The following SDAD1 variants were observed in gnomAD, a reference collection of about 807,000 sequenced individuals.
SDAD1 encodes protein SDA1 homolog.
Under a neutral mutation model 100.3 loss-of-function variants are expected in SDAD1, and 79 were observed. The ratio of observed to expected loss-of-function variants is 0.79; its 90% CI spans 0.66 to 0.95. SDAD1 has a LOEUF of 0.95. Among genes scored for constraint, SDAD1 ranks in the 40% least tolerant of loss-of-function variants. SDAD1 has a pLI of 0.00. For missense variants in SDAD1, 790 were observed against 810.9 expected (o/e 0.97, Z 0.31); for synonymous variants, 267 against 271.4 (o/e 0.98, Z 0.16).
chr4:75,960,248 T>C (rs4859577), intron 16 of SDAD1, 56 bp from the exon 17 acceptor site: 346,123 of 1,387,732 alleles, frequency 0.25, 44,236 homozygotes, highest in East Asian at 0.37. Context: ...ACCTTAATCA[T>C]GAAAGGTAGT....
At chr4:75,980,735 T>C (rs758170003) in intron 3 of SDAD1, 1 of 152,902 alleles carries the variant, frequency 6.5e-6, no homozygotes, top group Non-Finnish European at 1.5e-5. Flanking sequence ...TTGTACCACA[T>C]GATAATGGGC....
At chr4:75,958,046 A>G in intron 17 of SDAD1, 105 bp from the exon 18 acceptor site, 1 of 878,856 alleles carries the variant, frequency 1.1e-6, no homozygotes, top group Non-Finnish European at 1.9e-6. Flanking sequence ...GAACAGATAC[A>G]TTATTAACCA....
chr4:75,960,293 T>C, intron 16 of SDAD1, 101 bp from the exon 17 acceptor site: 1 of 1,122,186 alleles, frequency 8.9e-7, no homozygotes, highest in Non-Finnish European at 1.2e-6. Context: ...TTTATTTATT[T>C]GAAGACAGGG....
intron 6 of SDAD1, among the ~76,000 whole-genome samples, chr4:75,975,213 T>C (rs1055525813): frequency 6.6e-6 from 1 of 152,072 alleles, no homozygotes; most frequent in Non-Finnish European, 1.5e-5. Flanking sequence ...TCTGCTGTAA[T>C]GAATATTACT....
chr4:75,990,738 C>T lies in SDAD1; in HGVS notation c.90+14G>A, dbSNP rs1184283863. ...ACTATCCGGCCTCTAGCGTCTGCCGCGCCGCACTCCCACCTCCTCGATGTA... is the reference window on the plus strand; with the variant it reads ...ACTATCCGGCCTCTAGCGTCTGCCGTGCCGCACTCCCACCTCCTCGATGTA... On this transcript the variant is annotated intron_variant, in intron 1 of 21. Coordinates refer to ENST00000356260, the MANE Select transcript of SDAD1 (RefSeq NM_018115.4). 1 of 1,613,718 alleles carries T rather than the reference C, an allele frequency of 6.2e-7. No individual in the cohort carries two copies. Among genetic ancestry groups the T allele is most frequent in the Admixed American group, 1.7e-5 (1 of 60,026 alleles).
In SDAD1 at chr4:75,977,568, G is replaced by C. The variant is rs1414419254; in HGVS notation, c.405+78C>G. 14 of 875,198 alleles carry C rather than the reference G, an allele frequency of 1.6e-5. No homozygotes were observed. The South Asian group carries it at 1.8e-4, about 11-fold the overall frequency. The allele number at this position is 875,198 out of a possible 1,614,324, so 54.2% of individuals were successfully genotyped here. ...TTAAAGTTATTATTAACAATGTAAA[G>C]CATCGATAATTCAAGAGACAACAAA... On this transcript the variant is annotated intron_variant, in intron 4 of 21. Transcript: ENST00000356260.
chr4:75,974,190 CACAG>C, intron 6 of SDAD1, 57 bp from the exon 7 acceptor site: 1 of 1,347,442 alleles, frequency 7.4e-7, no homozygotes, highest in African/African-American at 1.4e-5. Context: ...TATTTCATAG[CACAG>C]ACAATGGCAC....
chr4:75,952,805 T>A (rs1041422921), intron 21 of SDAD1, among the ~76,000 whole-genome samples: 1 of 152,240 alleles, frequency 6.6e-6, no homozygotes, highest in Non-Finnish European at 1.5e-5. Context: ...ACATGCTGAT[T>A]TCAATTAGCT....
chr4:75,974,226 G>T, intron 6 of SDAD1, 93 bp from the exon 7 acceptor site: 1 of 997,580 alleles, frequency 1.0e-6, no homozygotes, highest in Non-Finnish European at 1.6e-6. Flanking sequence ...TATAACAAAT[G>T]TTTGTGACGT....
intron 21 of SDAD1, among the ~76,000 whole-genome samples, chr4:75,951,295 T>G (rs937372467): frequency 3.9e-5 from 6 of 152,262 alleles, no homozygotes; most frequent in African/African-American, 1.4e-4. Context: ...TGTAGATTTA[T>G]GATAACTCTA....
chr4:75,972,402 CAA>C (rs112522370), intron 8 of SDAD1, among the ~76,000 whole-genome samples: 12 of 122,026 alleles, frequency 9.8e-5, no homozygotes, highest in Non-Finnish European at 1.4e-4. Context: ...TCCGCGGCTC[CAA>C]AAAAAAAAAA....
chr4:75,962,871 T>G (rs186324918), intron 14 of SDAD1, among the ~76,000 whole-genome samples: 1,547 of 152,314 alleles, frequency 0.01, 26 homozygotes, highest in African/African-American at 0.035. Context: ...TAGTTTCTTT[T>G]GCTGTGCAGA....
At chr4:75,985,360 G>A (rs116366328) in intron 1 of SDAD1, among the ~76,000 whole-genome samples, 31 of 152,240 alleles carry the variant, frequency 2.0e-4, no homozygotes, top group African/African-American at 6.7e-4. Flanking sequence ...ACACTGCTAC[G>A]TCGTTTCTTT....
At chr4:75,981,312 A>G in intron 3 of SDAD1, 60 bp downstream of exon 3, 12 of 1,445,538 alleles carry the variant, frequency 8.3e-6, no homozygotes, top group Non-Finnish European at 1.2e-5. Context: ...TCATTTAAAT[A>G]TATATGAACG....
At chr4:75,978,533 T>A (rs897319968) in intron 3 of SDAD1, among the ~76,000 whole-genome samples, 4 of 152,002 alleles carry the variant, frequency 2.6e-5, no homozygotes, top group African/African-American at 9.7e-5. Flanking sequence ...CACCAACTCT[T>A]ACATGTAGCC....
At position 75,959,577 on chromosome 4, in the gene SDAD1, C is replaced by G. The variant is rs564049103; in HGVS notation, c.1483+489G>C. On this transcript the variant is annotated intron_variant, in intron 17 of 21. Transcript: ENST00000356260. ...TGAGATCGTACCACTGCACTCCAGCCTGGGCAAGAGCGAGACTCCAACGTG... is the reference window on the plus strand; with the variant it reads ...TGAGATCGTACCACTGCACTCCAGCGTGGGCAAGAGCGAGACTCCAACGTG... Among the ~76,000 whole-genome samples the G allele has an allele frequency of 8.4e-4, 127 of 151,250 alleles. 1 individual carries two copies. The highest frequency in any genetic ancestry group is 3.0e-3 in the African/African-American group (124 of 41,174).
At chr4:75,977,784 G>C (rs377421251) in intron 3 of SDAD1, 28 bp from the exon 4 acceptor site, 34 of 1,345,032 alleles carry the variant, frequency 2.5e-5, no homozygotes, top group Non-Finnish European at 3.5e-5. Context: ...CATACCATAA[G>C]ACAATGGTAA....
intron 2 of SDAD1, 47 bp downstream of exon 2, chr4:75,981,886 A>C (rs755530616): frequency 8.0e-7 from 1 of 1,255,470 alleles, no homozygotes; most frequent in Non-Finnish European, 1.1e-6. Flanking sequence ...AACATTCAGC[A>C]AACTGTGTGT....
chr4:75,956,019 G>A lies in SDAD1; in HGVS notation c.1972C>T (p.Gln658Ter). ...CGCTTATTTTTTGACCGGACATTCTGGCTATACCGCATCATCATAAAGTTC... is the reference window on the plus strand; with the variant it reads ...CGCTTATTTTTTGACCGGACATTCTAGCTATACCGCATCATCATAAAGTTC... ...QKNFMMMRYS[Q>*]NVRSKNKRSF... is the part of the protein sequence containing the mutation. Residue 658 changes from glutamine (Q) to a stop codon, truncating the protein, a stop_gained, in exon 21 of 22, where the codon CAG becomes TAG. Transcript: ENST00000356260. LOFTEE classifies it high-confidence loss of function. 6.2e-7 allele frequency: 1 copy of A among 1,609,758 alleles called. No individual in the cohort carries two copies. The highest frequency in any genetic ancestry group is 8.5e-7 in the Non-Finnish European group (1 of 1,179,058).
Sources: gnomAD v4.1 joint callset for allele counts (sites outside exome capture counted in the v4.1 genomes callset) on GRCh38, gnomAD v4.1.1 for gene constraint, MANE v1.5 for transcripts, NCBI Gene and HGNC (gene_info 2026-07-23, HGNC 2026-07-21) for gene names.